The following WDR12 variants were observed in gnomAD, a reference collection of about 807,000 sequenced individuals.
WDR12 encodes ribosome biogenesis protein WDR12.
Under a neutral mutation model 64.3 loss-of-function variants are expected in WDR12, and 42 were observed. The ratio of observed to expected loss-of-function variants is 0.65; its 90% CI spans 0.51 to 0.84. The LOEUF is 0.84. Among genes scored for constraint, WDR12 ranks in the 40% least tolerant of loss-of-function variants. WDR12 has a pLI of 0.00. For synonymous variants in WDR12, 158 were observed against 173.3 expected, an observed-to-expected ratio of 0.91 and a Z score of 0.70; for missense variants, 469 against 494.6, an observed-to-expected ratio of 0.95 and a Z score of 0.49.
chr2:202,896,327 G>A, intron 5 of WDR12, 108 bp from the exon 6 acceptor site: 1 of 1,247,296 alleles, frequency 8.0e-7, no homozygotes, highest in Admixed American at 2.8e-5. Flanking sequence ...TGAAAAAGAT[G>A]TTAAAAAGAT....
chr2:202,906,336 T>C (rs1258628137), intron 2 of WDR12, among the ~76,000 whole-genome samples: 2 of 152,154 alleles, frequency 1.3e-5, no homozygotes, highest in Non-Finnish European at 2.9e-5. Flanking sequence ...ATATTGAATA[T>C]TGAACTGTAA....
intron 1 of WDR12, among the ~76,000 whole-genome samples, chr2:202,910,614 A>T (rs550567182): frequency 6.6e-6 from 1 of 152,332 alleles, no homozygotes; most frequent in South Asian, 2.1e-4. Context: ...TTTCAATTAA[A>T]AAACACAGTG....
chr2:202,900,846 T>TAC (rs1348743211), intron 3 of WDR12, among the ~76,000 whole-genome samples, 179 bp downstream of exon 3: 3 of 152,268 alleles, frequency 2.0e-5, no homozygotes, highest in East Asian at 1.9e-4. Context: ...ACACACTATA[T>TAC]ATATTCAATA....
At chr2:202,888,018 T>TA (rs1267456978) in intron 8 of WDR12, among the ~76,000 whole-genome samples, 1 of 151,888 alleles carries the variant, frequency 6.6e-6, no homozygotes, top group East Asian at 1.9e-4. Flanking sequence ...CACAAAAACC[T>TA]AAATACAAAT....
intron 7 of WDR12, 45 bp from the exon 8 acceptor site, chr2:202,892,747 A>G (rs762808283): frequency 2.9e-6 from 4 of 1,376,962 alleles, no homozygotes; most frequent in Non-Finnish European, 4.1e-6. Context: ...AACAGTATTA[A>G]TCGTGAACTG....
At position 202,876,945 on chromosome 2, in the gene WDR12, A is replaced by C. The variant is rs1430814715; in HGVS notation, c.*3915T>G. Reference sequence around the variant, plus strand: ...GACCCTGTCTCTAAAAAATGAACAAAAATAAAAACTAGTATCTTTCAAAAA... The same window carrying C: ...GACCCTGTCTCTAAAAAATGAACAACAATAAAAACTAGTATCTTTCAAAAA... On this transcript the variant is annotated 3_prime_UTR_variant, in exon 13 of 13. Transcript: ENST00000261015. 6.6e-6 allele frequency: 1 copy of C among 152,268 alleles called. No homozygotes were observed. Among genetic ancestry groups the C allele is most frequent in the Non-Finnish European group, 1.5e-5 (1 of 68,036 alleles). The allele number at this position is 152,268 out of a possible 1,614,324, so 9.4% of individuals were successfully genotyped here.
chr2:202,895,906 T>A, intron 6 of WDR12, 159 bp downstream of exon 6: 1 of 735,728 alleles, frequency 1.4e-6, no homozygotes, highest in Non-Finnish European at 2.1e-6. Context: ...AGTGACTATC[T>A]CCTATTGTAT....
chr2:202,883,819 A>AC lies in WDR12; in HGVS notation c.989-79_989-78insG. On this transcript the variant is annotated intron_variant, in intron 10 of 12. Coordinates refer to ENST00000261015, the MANE Select transcript of WDR12 (RefSeq NM_018256.4). ...GAAGGAACCCAAAAAATATTTGTAGAAATTTTTTTTTTGAGATGGAGTCTT... is the reference window on the plus strand; with the variant it reads ...GAAGGAACCCAAAAAATATTTGTAGACAATTTTTTTTTTGAGATGGAGTCTT... 2.2e-6 allele frequency: 3 copies of AC among 1,349,700 alleles called. No homozygotes were observed. In the South Asian group the frequency reaches 4.0e-5, roughly 18 times the overall value. 83.6% of individuals were successfully genotyped at this position (1,349,700 alleles called of 1,614,324 possible). A position where few individuals can be genotyped will look rare whatever the true frequency, so the allele number is the denominator to read the frequency against.
In WDR12 at chr2:202,884,209, G is replaced by C. The variant is rs1458849527; in HGVS notation, c.977C>G (p.Pro326Arg). The change falls in exon 10 of 13, where the codon CCC becomes CGC. Residue 326 changes from proline to arginine, a missense_variant. By Grantham distance (103) the Pro-to-Arg change is moderately radical. Transcript: ENST00000261015. ...STDRHIRLWDPRTKDGSLVSL... is the reference protein window; with the variant it reads ...STDRHIRLWDRRTKDGSLVSL... ...TTTACATGACTCACCTTTAGTTCGG[G>C]GATCCCACAGTCTGATATGCCTATC... The C allele has an allele frequency of 1.9e-6, 3 of 1,612,724 alleles. No individual in the cohort carries two copies. The highest frequency in any genetic ancestry group is 1.7e-6 in the Non-Finnish European group (2 of 1,179,918).
At chr2:202,891,538 A>C (rs1317949675) in intron 8 of WDR12, among the ~76,000 whole-genome samples, 1 of 152,220 alleles carries the variant, frequency 6.6e-6, no homozygotes, top group Non-Finnish European at 1.5e-5. Flanking sequence ...GTCTATGTTT[A>C]AATGTATTAA....
chr2:202,888,333 G>A (rs761114336), intron 8 of WDR12, among the ~76,000 whole-genome samples: 1 of 152,198 alleles, frequency 6.6e-6, no homozygotes, highest in Non-Finnish European at 1.5e-5. Context: ...GGGGCAATAT[G>A]AGTTTTCAGG....
chr2:202,888,040 T>A (rs1688083238), intron 8 of WDR12, among the ~76,000 whole-genome samples: 1 of 152,224 alleles, frequency 6.6e-6, no homozygotes, highest in African/African-American at 2.4e-5. Flanking sequence ...TTGATAGTTT[T>A]ACTTATAACT....
At chr2:202,897,911 A>ATATG (rs1688280070) in intron 4 of WDR12, among the ~76,000 whole-genome samples, 1 of 116,668 alleles carries the variant, frequency 8.6e-6, no homozygotes, top group Non-Finnish European at 1.8e-5. Context: ...AAAAAAAAAT[A>ATATG]TATATATATA....
At chr2:202,902,263 C>T (rs1688362680) in intron 2 of WDR12, among the ~76,000 whole-genome samples, 1 of 152,160 alleles carries the variant, frequency 6.6e-6, no homozygotes, top group African/African-American at 2.4e-5. Flanking sequence ...TTAAGAAGAT[C>T]ATCATGACCA....
chr2:202,888,606 C>T (rs2105904957), intron 8 of WDR12, among the ~76,000 whole-genome samples: 1 of 152,228 alleles, frequency 6.6e-6, no homozygotes, highest in African/African-American at 2.4e-5. Context: ...GAACTGGCAG[C>T]ATTATTCACA....
chr2:202,898,828 A>G (rs1428821825), intron 4 of WDR12, among the ~76,000 whole-genome samples: 2 of 152,028 alleles, frequency 1.3e-5, no homozygotes, highest in Admixed American at 6.6e-5. Flanking sequence ...TGACTTATTC[A>G]GAAGACAAAT....
chr2:202,908,637 T>C (rs1419032675), intron 1 of WDR12, among the ~76,000 whole-genome samples: 5 of 152,198 alleles, frequency 3.3e-5, no homozygotes, highest in African/African-American at 1.2e-4. Flanking sequence ...ATGGAGTGCT[T>C]TATATATCAT....
Position 202,911,572 on chromosome 2 carries a change from A to C in WDR12, c.-96T>G. 2.7e-6 allele frequency: 3 copies of C among 1,130,042 alleles called. No individual in the cohort carries two copies. The highest frequency in any genetic ancestry group is 4.0e-6 in the Non-Finnish European group (3 of 741,164). 70.0% of individuals were successfully genotyped at this position (1,130,042 alleles called of 1,614,324 possible). On this transcript the variant is annotated 5_prime_UTR_variant, in exon 1 of 13. Transcript: ENST00000261015. ...TTTTAAGACTACAAAGAGGCAGCTC[A>C]AAATTAGACTGCACAGGTAAGCGAG...
At position 202,901,133 on chromosome 2, in the gene WDR12, A is replaced by G. The variant is rs1055347586; in HGVS notation, c.137-14T>C. On this transcript the variant is annotated splice_polypyrimidine_tract_variant and intron_variant, in intron 2 of 12. Coordinates refer to ENST00000261015, the MANE Select transcript of WDR12 (RefSeq NM_018256.4). Reference sequence around the variant, plus strand: ...GTTTGTGGAACTCTGAGGAAAATACATAACAAAATTATCACTCTTAGTGTC... The same window carrying G: ...GTTTGTGGAACTCTGAGGAAAATACGTAACAAAATTATCACTCTTAGTGTC... 7.0e-6 allele frequency: 11 copies of G among 1,579,714 alleles called. No individual in the cohort carries two copies. Among genetic ancestry groups the G allele is most frequent in the African/African-American group, 5.4e-5 (4 of 74,576 alleles).
Sources: allele counts gnomAD v4.1 joint callset (sites outside exome capture counted in the v4.1 genomes callset), GRCh38; gene constraint gnomAD v4.1.1; transcripts MANE v1.5; gene names NCBI Gene and HGNC (gene_info 2026-07-23, HGNC 2026-07-21).